Variants in TIMM23B observed in about 807,000 individuals in gnomAD.
The protein encoded by TIMM23B is mitochondrial import inner membrane translocase subunit Tim23B.
In TIMM23B, 27 loss-of-function variants were observed where a neutral mutation model predicts 27.3. The observed-to-expected ratio is 0.99, with a 90% CI of 0.73 to 1.36. The LOEUF is 1.36. Ranked by LOEUF, TIMM23B falls within the 40% of genes most tolerant of loss-of-function variation. The pLI is 0.00. For synonymous variants in TIMM23B, 73 were observed against 92.4 expected, an observed-to-expected ratio of 0.79 and a Z score of 1.21; for missense variants, 205 against 244.2, an observed-to-expected ratio of 0.84 and a Z score of 1.07.
At chr10:49,966,190 A>G (rs1284961048) in intron 6 of TIMM23B, among the ~76,000 whole-genome samples, 1 of 150,774 alleles carries the variant, frequency 6.6e-6, no homozygotes, top group Non-Finnish European at 1.5e-5. Flanking sequence ...CTCTAAATGA[A>G]ATAAAATGAA....
At chr10:49,956,425 ACG>A (rs1491519666) in intron 5 of TIMM23B, among the ~76,000 whole-genome samples, 1 of 100,326 alleles carries the variant, frequency 1.0e-5, no homozygotes, top group Non-Finnish European at 1.9e-5. Flanking sequence ...TACTAGAAAT[ACG>A]TGTGTGTGTG....
chr10:49,962,227 G>A (rs1214032088), intron 6 of TIMM23B, among the ~76,000 whole-genome samples: 1 of 147,510 alleles, frequency 6.8e-6, no homozygotes, highest in Non-Finnish European at 1.5e-5. Context: ...TTTTTTAAAC[G>A]GAGTTTTGCT....
chr10:49,945,155 A>G (rs1839316354), intron 2 of TIMM23B, 65 bp downstream of exon 2: 6 of 1,544,812 alleles, frequency 3.9e-6, no homozygotes, highest in Admixed American at 3.4e-5. Context: ...GCCAAGTGCT[A>G]TGCTGACTTG....
intron 6 of TIMM23B, among the ~76,000 whole-genome samples, chr10:49,966,402 A>G (rs571014186): frequency 1.1e-3 from 170 of 152,192 alleles, no homozygotes; most frequent in South Asian, 4.4e-3. Context: ...AATGAAATGA[A>G]TAATGAAATG....
rs1162822120 is a variant in TIMM23B, at chr10:49,966,015, A to G, written c.515-6997A>G. On this transcript the variant is annotated intron_variant, in intron 6 of 6. Transcript: ENST00000651259. ...AAATGAATAATGAAATGCCAGATGC[A>G]GTGGCGCACTCCAGCCTGGGTGATA... is the stretch of plus-strand genomic sequence containing the variant. Among the ~76,000 whole-genome samples, 49 of 144,984 alleles carry G rather than the reference A, an allele frequency of 3.4e-4. 1 individual carries two copies. The highest frequency in any genetic ancestry group is 1.1e-4 in the Non-Finnish European group (7 of 65,404).
In TIMM23B at chr10:49,952,485, G is replaced by A. The variant is rs1463322897; in HGVS notation, c.296G>A (p.Gly99Glu). 6.2e-7 allele frequency: 1 copy of A among 1,613,168 alleles called. No individual in the cohort carries two copies. Among genetic ancestry groups the A allele is most frequent in the Admixed American group, 1.7e-5 (1 of 59,938 alleles). ...AFGAMNGLRL[G>E]LKETQNMAWS... is the part of the protein sequence containing the mutation. ...GGGGCAATGAATGGTCTTCGGCTAG[G>A]ATTGAAGGAAACCCAGAACATGGCC... is the stretch of plus-strand genomic sequence containing the variant. The change falls in exon 4 of 7, where the codon GGA (glycine) becomes GAA (glutamate). Residue 99 changes from glycine to glutamate, a missense_variant. Coordinates refer to ENST00000651259, the MANE Select transcript of TIMM23B (RefSeq NM_001290117.2).
intron 6 of TIMM23B, among the ~76,000 whole-genome samples, chr10:49,964,076 A>C (rs1229736074): frequency 6.6e-6 from 1 of 151,938 alleles, no homozygotes; most frequent in South Asian, 2.1e-4. Context: ...AATGGATTGA[A>C]ATTGAATGGG....
intron 2 of TIMM23B, 37 bp from the exon 3 acceptor site, chr10:49,952,089 G>C (rs1487307184): frequency 1.4e-6 from 2 of 1,456,460 alleles, no homozygotes; most frequent in Admixed American, 1.7e-5. Flanking sequence ...TGTGTCTTGA[G>C]GGACACTCAG....
At chr10:49,962,638 T>G (rs1227291436) in intron 6 of TIMM23B, among the ~76,000 whole-genome samples, 2 of 152,182 alleles carry the variant, frequency 1.3e-5, no homozygotes, top group East Asian at 3.9e-4. Flanking sequence ...TACCATTTCC[T>G]AGAACAATCC....
intron 2 of TIMM23B, among the ~76,000 whole-genome samples, chr10:49,950,864 G>A (rs1839508621): frequency 6.6e-6 from 1 of 152,228 alleles, no homozygotes; most frequent in Admixed American, 6.5e-5. Flanking sequence ...CTTAATTAGT[G>A]ATCTGTTTCT....
At chr10:49,970,352 G>T in intron 6 of TIMM23B, 1 of 170,398 alleles carries the variant, frequency 5.9e-6, no homozygotes, top group Non-Finnish European at 1.2e-5. Context: ...AGTGAGGAGC[G>T]TCTCGGCCCG....
intron 2 of TIMM23B, among the ~76,000 whole-genome samples, chr10:49,948,544 G>A (rs1174289245): frequency 6.6e-6 from 1 of 152,174 alleles, no homozygotes; most frequent in Non-Finnish European, 1.5e-5. Flanking sequence ...AATAAAAAAA[G>A]AACTATTAAA....
intron 4 of TIMM23B, among the ~76,000 whole-genome samples, chr10:49,954,623 T>C (rs1839653596): frequency 6.6e-6 from 1 of 151,910 alleles, no homozygotes; most frequent in Non-Finnish European, 1.5e-5. Flanking sequence ...ATTTTTTACA[T>C]GGATTAGTTT....
rs1236952050 is a variant in TIMM23B, at chr10:49,955,055, C to T, written c.398C>T (p.Ser133Phe). The part of the protein sequence containing the change: ...QGALWANTLG[S>F]LALLYSAFGV... ...GCACTTTGGGCTAATACTCTAGGTT[C>T]TCTGGGTAAGTAGAGATCTCGTTTG... The change falls in exon 5 of 7, where the codon TCT becomes TTT. Residue 133 changes from serine (S) to phenylalanine (F), a missense_variant. Physicochemically the swap from Ser to Phe is radical, Grantham distance 155. Coordinates refer to ENST00000651259, the MANE Select transcript of TIMM23B (RefSeq NM_001290117.2). The T allele has an allele frequency of 1.4e-5, 23 of 1,612,334 alleles. No homozygotes were observed. The African/African-American group carries it at 3.1e-4, about 22-fold the overall frequency.
At chr10:49,955,952 G>C (rs1196554119) in intron 5 of TIMM23B, among the ~76,000 whole-genome samples, 1 of 152,040 alleles carries the variant, frequency 6.6e-6, no homozygotes, top group African/African-American at 2.4e-5. Context: ...TTAATTGCTT[G>C]TATACCTAGA....
At chr10:49,950,858 A>G (rs1839508534) in intron 2 of TIMM23B, among the ~76,000 whole-genome samples, 2 of 152,328 alleles carry the variant, frequency 1.3e-5, no homozygotes, top group African/African-American at 2.4e-5. Context: ...TCTATTCTTA[A>G]TTAGTGATCT....
At chr10:49,958,341 G>A (rs1589038428) in intron 5 of TIMM23B, 29 bp from the exon 6 acceptor site, 2 of 1,600,306 alleles carry the variant, frequency 1.2e-6, no homozygotes, top group East Asian at 2.2e-5. Flanking sequence ...TCACTGTTTT[G>A]TCACTGAGCA....
chr10:49,957,834 G>A (rs1442924997), intron 5 of TIMM23B, among the ~76,000 whole-genome samples: 6 of 152,298 alleles, frequency 3.9e-5, no homozygotes, highest in Admixed American at 1.3e-4. Context: ...TGGACAAAAA[G>A]GACATGCTCT....
At chr10:49,961,221 T>C (rs1438216510) in intron 6 of TIMM23B, among the ~76,000 whole-genome samples, 1 of 147,888 alleles carries the variant, frequency 6.8e-6, no homozygotes, top group East Asian at 2.0e-4. Context: ...CGGTCTCCAC[T>C]AAAAATACAA....
Sources: gnomAD v4.1 joint callset for allele counts (sites outside exome capture counted in the v4.1 genomes callset) on GRCh38, gnomAD v4.1.1 for gene constraint, MANE v1.5 for transcripts, NCBI Gene and HGNC (gene_info 2026-07-23, HGNC 2026-07-21) for gene names.